Variants in MITF observed in about 807,000 individuals in gnomAD.
The protein encoded by MITF is melanocyte inducing transcription factor.
MITF carries 17 observed loss-of-function variants against 60.5 expected under a neutral mutation model. The observed-to-expected ratio is 0.28, with a 90% CI of 0.19 to 0.42. The LOEUF is 0.42. Ranked by LOEUF, MITF falls within the 10% of genes least tolerant of loss-of-function variation. The pLI is 1.00. For synonymous variants in MITF, 260 were observed against 248.5 expected, an observed-to-expected ratio of 1.05 and a Z score of -0.43; for missense variants, 622 against 683.5, an observed-to-expected ratio of 0.91 and a Z score of 1.00.
intron 2 of MITF, among the ~76,000 whole-genome samples, chr3:69,905,862 G>T (rs4364168): frequency 6.6e-6 from 1 of 151,998 alleles, no homozygotes; most frequent in South Asian, 2.1e-4. Flanking sequence ...TGTGTTTTGA[G>T]AGTTCTTTAT....
intron 1 of MITF, among the ~76,000 whole-genome samples, chr3:69,820,912 C>T (rs1305200861): frequency 1.3e-5 from 2 of 150,892 alleles, no homozygotes; most frequent in Admixed American, 6.6e-5. Context: ...AGCATTTACT[C>T]GTGTGTGTGT....
chr3:69,860,597 C>CAAAAAAAAAAA (rs1039213953), intron 1 of MITF, among the ~76,000 whole-genome samples: 1 of 60,784 alleles, frequency 1.6e-5, no homozygotes, highest in African/African-American at 6.9e-5. Context: ...GACTCCGTCT[C>CAAAAAAAAAAA]AAAAAAAAAA....
At chr3:69,950,900 A>G (rs1024524165) in intron 6 of MITF, among the ~76,000 whole-genome samples, 2 of 151,978 alleles carry the variant, frequency 1.3e-5, no homozygotes, top group African/African-American at 4.8e-5. Context: ...GAGCTTTCCA[A>G]TTGCAGTTGC....
intron 7 of MITF, among the ~76,000 whole-genome samples, chr3:69,952,698 A>G (rs2066286784): frequency 6.6e-6 from 1 of 152,174 alleles, no homozygotes; most frequent in African/African-American, 2.4e-5. Flanking sequence ...GCTCTTCCTG[A>G]CCTTTTTCTG....
At chr3:69,853,292 G>A (rs554302165) in intron 1 of MITF, among the ~76,000 whole-genome samples, 1 of 152,092 alleles carries the variant, frequency 6.6e-6, no homozygotes, top group Non-Finnish European at 1.5e-5. Flanking sequence ...GGAAGGAAGA[G>A]TAAGAGATAC....
At chr3:69,820,568 A>G (rs532841424) in intron 1 of MITF, among the ~76,000 whole-genome samples, 6 of 152,334 alleles carry the variant, frequency 3.9e-5, no homozygotes, top group Non-Finnish European at 5.9e-5. Flanking sequence ...AGTTTCTGCC[A>G]GGACAAAAAT....
intron 2 of MITF, among the ~76,000 whole-genome samples, chr3:69,899,609 G>A (rs75660139): frequency 0.015 from 2,260 of 152,268 alleles, 64 homozygotes; most frequent in African/African-American, 0.051. Flanking sequence ...TCTTCTGAGT[G>A]TGGAGTCATC....
chr3:69,939,048 A>G (rs374350216), intron 3 of MITF, 50 bp from the exon 4 acceptor site: 113 of 1,601,218 alleles, frequency 7.1e-5, no homozygotes, highest in Non-Finnish European at 8.6e-5. Flanking sequence ...GTCATTAAAA[A>G]GTCATTTGCA....
chr3:69,798,740 A>G (rs2106942984), intron 1 of MITF, among the ~76,000 whole-genome samples: 1 of 152,318 alleles, frequency 6.6e-6, no homozygotes, highest in South Asian at 2.1e-4. Flanking sequence ...GCAACAGTGG[A>G]CTTCATTTAT....
At chr3:69,805,880 C>G (rs1224444337) in intron 1 of MITF, among the ~76,000 whole-genome samples, 1 of 152,064 alleles carries the variant, frequency 6.6e-6, no homozygotes, top group African/African-American at 2.4e-5. Context: ...AGACTGGTCT[C>G]AAACTCCTAG....
intron 1 of MITF, among the ~76,000 whole-genome samples, chr3:69,840,921 A>G (rs1333699003): frequency 6.6e-6 from 1 of 151,918 alleles, no homozygotes; most frequent in Non-Finnish European, 1.5e-5. Flanking sequence ...ATGCCCAGCT[A>G]AGTTTTGCAT....
chr3:69,818,778 A>G (rs892805061), intron 1 of MITF, among the ~76,000 whole-genome samples: 3 of 152,248 alleles, frequency 2.0e-5, no homozygotes, highest in Non-Finnish European at 4.4e-5. Context: ...GAACATTTTC[A>G]TAAAATATTG....
intron 5 of MITF, among the ~76,000 whole-genome samples, chr3:69,947,298 A>T (rs1303113437): frequency 6.6e-6 from 1 of 152,208 alleles, no homozygotes; most frequent in African/African-American, 2.4e-5. Context: ...AGATAGGGGA[A>T]TAAAGCTTTG....
rs115256217 is a variant in MITF, at chr3:69,943,791, T to G, written c.762+2460T>G. Among the ~76,000 whole-genome samples, 1,453 of 152,184 alleles carry G rather than the reference T, an allele frequency of 9.5e-3. 7 individuals are homozygous for G. The highest frequency in any genetic ancestry group is 0.016 in the Non-Finnish European group (1,083 of 68,000). On this transcript the variant is annotated intron_variant, in intron 5 of 9. Coordinates refer to ENST00000352241, the MANE Select transcript of MITF (RefSeq NM_001354604.2). ...TGTCATGACCCCATATATGCTTCTGTCCTTTAGAATGAATACTTGGCTGGG... is the reference window on the plus strand; with the variant it reads ...TGTCATGACCCCATATATGCTTCTGGCCTTTAGAATGAATACTTGGCTGGG...
intron 2 of MITF, among the ~76,000 whole-genome samples, chr3:69,923,537 G>A (rs2065516885): frequency 6.6e-6 from 1 of 152,134 alleles, no homozygotes; most frequent in African/African-American, 2.4e-5. Flanking sequence ...TAGAGATGGG[G>A]TTTCACCATG....
chr3:69,783,190 A>G (rs2062593308), intron 1 of MITF, among the ~76,000 whole-genome samples: 1 of 152,140 alleles, frequency 6.6e-6, no homozygotes, highest in African/African-American at 2.4e-5. Flanking sequence ...TGTGAGAACA[A>G]TACTGGTTTG....
At position 69,758,898 on chromosome 3, in the gene MITF, A is replaced by G. The variant is rs1486387745; in HGVS notation, c.104+19197A>G. The stretch of plus-strand genomic sequence containing the variant: ...TTACCTATAAAATGGAGCTAATGGC[A>G]TGTCCTTCTTGGGATAACTGTGAGG... On this transcript the variant is annotated intron_variant, in intron 1 of 9. Transcript: ENST00000352241. The G allele has an allele frequency of 2.3e-5, 5 of 216,346 alleles. No individual in the cohort carries two copies. In the Admixed American group the frequency reaches 2.9e-4, roughly 13 times the overall value. The allele number at this position is 216,346 out of a possible 1,614,324, so 13.4% of individuals were successfully genotyped here.
chr3:69,907,524 T>C (rs1459354231), intron 2 of MITF, among the ~76,000 whole-genome samples: 2 of 152,218 alleles, frequency 1.3e-5, no homozygotes. Context: ...TGAGATCATG[T>C]AGATGAAATC....
chr3:69,940,609 G>C (rs536238182), intron 4 of MITF, among the ~76,000 whole-genome samples: 1 of 152,196 alleles, frequency 6.6e-6, no homozygotes, highest in Non-Finnish European at 1.5e-5. Context: ...TATTTTACAA[G>C]TCACTGTAAG....
Sources: gnomAD v4.1 joint callset for allele counts (sites outside exome capture counted in the v4.1 genomes callset) on GRCh38, gnomAD v4.1.1 for gene constraint, MANE v1.5 for transcripts, NCBI Gene and HGNC (gene_info 2026-07-23, HGNC 2026-07-21) for gene names.